The following TGM1 variants were observed in gnomAD, a reference collection of about 807,000 sequenced individuals.
TGM1 encodes protein-glutamine gamma-glutamyltransferase K.
In TGM1, 63 loss-of-function variants were observed where a neutral mutation model predicts 88.7. The ratio of observed to expected loss-of-function variants is 0.71; its 90% CI spans 0.58 to 0.88. TGM1 has a LOEUF of 0.88. Among genes scored for constraint, TGM1 ranks in the 40% least tolerant of loss-of-function variants. The probability of loss-of-function intolerance (pLI) is 0.00; values close to 1 mark genes in which losing one functional copy is unlikely to be tolerated. For synonymous variants in TGM1, 415 were observed against 431.1 expected, an observed-to-expected ratio of 0.96 and a Z score of 0.46; for missense variants, 996 against 1,118.0, an observed-to-expected ratio of 0.89 and a Z score of 1.56.
At position 24,255,152 on chromosome 14, in the gene TGM1, C is replaced by G; in HGVS notation, c.1747G>C (p.Val583Leu). 1 of 1,614,120 alleles carries G rather than the reference C, an allele frequency of 6.2e-7. No homozygotes were observed. The highest frequency in any genetic ancestry group is 1.1e-5 in the South Asian group (1 of 91,078). The change falls in exon 12 of 15, where the codon GTG (valine) becomes CTG (leucine). Residue 583 changes from valine to leucine, a missense_variant. Val to Leu is a conservative substitution (Grantham distance 32, BLOSUM62 1). Transcript: ENST00000206765. The surrounding 1 kb of genome is among the most constrained non-coding windows in gnomAD (Gnocchi z 4.0). ...CCCATCACCGCGTCCTGTGCCTCCA[C>G]CTGCATGGCCACATCCTCCGCTGAG... Reference protein sequence around the residue: ...RGSAEDVAMQVEAQDAVMGQD... With the variant: ...RGSAEDVAMQLEAQDAVMGQD...
rs111699741 is a variant in TGM1 at position 24,249,858 on chromosome 14, C to T, written c.2226-317G>A. 2.4e-3 allele frequency among the ~76,000 whole-genome samples: 372 copies of T among 152,312 alleles called. 1 individual carries two copies. The highest frequency in any genetic ancestry group is 8.6e-3 in the African/African-American group (359 of 41,558). On this transcript the variant is annotated intron_variant, in intron 14 of 14. Coordinates refer to ENST00000206765, the MANE Select transcript of TGM1 (RefSeq NM_000359.3). ...TCTCATGCCATCCCCTCCATCACCA[C>T]TGCTCCTGCCCCAGACAGAACATCC...
In TGM1 at chr14:24,249,336, T is replaced by C. The variant is rs2040679388; in HGVS notation, c.2431A>G (p.Met811Val). The C allele has an allele frequency of 6.2e-7, 1 of 1,613,606 alleles. No homozygotes were observed. The highest frequency in any genetic ancestry group is 1.3e-5 in the African/African-American group (1 of 74,846). ...GDSHLGETIP[M>V]ASRGGA ...GGCTAAGCTCCACCTCGAGATGCCATAGGGATGGTCTCTCCTAAGTGACTG... is the reference window on the plus strand; with the variant it reads ...GGCTAAGCTCCACCTCGAGATGCCACAGGGATGGTCTCTCCTAAGTGACTG... The change falls in exon 15 of 15, where the codon ATG becomes GTG. Residue 811 changes from methionine (M) to valine (V), a missense_variant. Physicochemically the swap from Met to Val is conservative, Grantham distance 21. Transcript: ENST00000206765.
In TGM1 at chr14:24,254,784, C is replaced by G. The variant is rs747446195; in HGVS notation, c.1968G>C (p.Arg656=). 1.2e-6 allele frequency: 2 copies of G among 1,613,956 alleles called. No individual in the cohort carries two copies. The highest frequency in any genetic ancestry group is 8.5e-7 in the Non-Finnish European group (1 of 1,180,014). ...TGGCCCCCTGGTCCACAAGATGGGG[C>G]CGGTATTCCTTGTAGGCCACTGGCA... is the stretch of plus-strand genomic sequence containing the variant. ...VTMPVAYKEY[R]PHLVDQGAML... The change falls in exon 13 of 15, where the codon CGG becomes CGC. Residue 656 remains arginine (R), a synonymous_variant. Transcript: ENST00000206765.
chr14:24,260,585 G>C lies in TGM1; in HGVS notation c.622C>G (p.Arg208Gly). The C allele has an allele frequency of 3.1e-6, 5 of 1,614,206 alleles. No individual in the cohort carries two copies. Among genetic ancestry groups the C allele is most frequent in the Non-Finnish European group, 3.4e-6 (4 of 1,180,030 alleles). The change falls in exon 4 of 15, where the codon CGG (arginine) becomes GGG (glycine). Residue 208 changes from arginine to glycine, a missense_variant. By Grantham distance (125) the Arg-to-Gly change is moderately radical (BLOSUM62 -2). Coordinates refer to ENST00000206765, the MANE Select transcript of TGM1 (RefSeq NM_000359.3). ...ATGGCGTTGGGGGAAGTGTGGACCC[G>C]CAGGTTCAGATTCTGCCCACTGGCC... ...VKASGQNLNL[R>G]VHTSPNAIIG...
chr14:24,255,957 G>A lies in TGM1; in HGVS notation c.1491+32C>T. The A allele has an allele frequency of 1.3e-6, 2 of 1,530,968 alleles. No individual in the cohort carries two copies. The highest frequency in any genetic ancestry group is 2.4e-5 in the East Asian group (1 of 40,938). 94.8% of individuals were successfully genotyped at this position (1,530,968 alleles called of 1,614,324 possible). ...TGGGACCAGAGAACCCATGACTGAA[G>A]CCCAAGAAGGCACCTGGAGCCCAGC... On this transcript the variant is annotated intron_variant, in intron 10 of 14. Transcript: ENST00000206765. This position sits in a 1 kb window ranked among gnomAD's most constrained non-coding sequence, Gnocchi z 4.0.
chr14:24,260,657 G>T lies in TGM1; in HGVS notation c.550C>A (p.Pro184Thr). The part of the protein sequence containing the change: ...EVGKGTHVII[P>T]VGKGGSGGWK... The stretch of plus-strand genomic sequence containing the variant: ...CCTCCACTGCCCCCCTTGCCCACTG[G>T]GATGATCACGTGCGTGCCCTTGCCC... Residue 184 changes from proline (P) to threonine (T), a missense_variant, in exon 4 of 15, where the codon CCA (proline) becomes ACA (threonine). Pro to Thr is a conservative substitution (Grantham distance 38, BLOSUM62 -1). Transcript: ENST00000206765. 1 of 1,614,088 alleles carries T rather than the reference G, an allele frequency of 6.2e-7. No homozygotes were observed. Among genetic ancestry groups the T allele is most frequent in the Non-Finnish European group, 8.5e-7 (1 of 1,180,016 alleles).
At position 24,261,792 on chromosome 14, in the gene TGM1, G is replaced by C. The variant is rs145002586; in HGVS notation, c.411C>G (p.Asp137Glu). Residue 137 changes from aspartate to glutamate, a missense_variant, in exon 3 of 15, where the codon GAC (aspartate) becomes GAG (glutamate). Asp to Glu is a conservative substitution (Grantham distance 45, BLOSUM62 2). Transcript: ENST00000206765. ...REHHTDEYEY[D>E]ELIVRRGQPF... Reference sequence around the variant, plus strand: ...GCTGCCCGCGGCGCACTATCAGCTCGTCGTACTCATACTCGTCTGTGTGGT... The same window carrying C: ...GCTGCCCGCGGCGCACTATCAGCTCCTCGTACTCATACTCGTCTGTGTGGT... 1.2e-6 allele frequency: 2 copies of C among 1,614,116 alleles called. No individual in the cohort carries two copies. Among genetic ancestry groups the C allele is most frequent in the South Asian group, 1.1e-5 (1 of 91,070 alleles).
chr14:24,256,138 C>T, intron 9 of TGM1, 61 bp from the exon 10 acceptor site: 2 of 1,418,434 alleles, frequency 1.4e-6, no homozygotes, highest in Non-Finnish European at 1.9e-6. Flanking sequence ...CTCTTCAGAC[C>T]CTGGGTAAGG....
intron 3 of TGM1, 72 bp from the exon 4 acceptor site, chr14:24,260,770 C>CG: frequency 6.2e-7 from 1 of 1,601,206 alleles, no homozygotes. Flanking sequence ...GGACTTCTCC[C>CG]GGCCCCACCC....
intron 14 of TGM1, 45 bp from the exon 15 acceptor site, chr14:24,249,586 G>C: frequency 6.4e-7 from 1 of 1,550,510 alleles, no homozygotes; most frequent in Non-Finnish European, 8.8e-7. Context: ...ATTGGGGGTG[G>C]AGTGGGGAGT....
In TGM1 at chr14:24,249,258, C is replaced by T. The variant is rs1341743397; in HGVS notation, c.*55G>A. The T allele has an allele frequency of 1.2e-5, 18 of 1,537,636 alleles. No homozygotes were observed. The East Asian group carries it at 2.7e-4, about 23-fold the overall frequency. ...GAGCTGCTCTGTAGTGTGCCCCTAT[C>T]TTGGGGCAATGTCCTTGCTCATCTG... On this transcript the variant is annotated 3_prime_UTR_variant, in exon 15 of 15. Coordinates refer to ENST00000206765, the MANE Select transcript of TGM1 (RefSeq NM_000359.3).
chr14:24,260,731 G>T, intron 3 of TGM1, 33 bp from the exon 4 acceptor site: 1 of 1,613,820 alleles, frequency 6.2e-7, no homozygotes. Flanking sequence ...AGCTGGCAAG[G>T]CCTCCCTGAG....
Position 24,255,101 on chromosome 14 carries a change from G to T in TGM1, c.1798C>A (p.Leu600Met). 1 of 1,614,126 alleles carries T rather than the reference G, an allele frequency of 6.2e-7. No homozygotes were observed. Among genetic ancestry groups the T allele is most frequent in the Non-Finnish European group, 8.5e-7 (1 of 1,180,050 alleles). The change falls in exon 12 of 15, where the codon CTG becomes ATG. Residue 600 changes from leucine (L) to methionine (M), a missense_variant. Coordinates refer to ENST00000206765, the MANE Select transcript of TGM1 (RefSeq NM_000359.3). The surrounding 1 kb of genome is among the most constrained non-coding windows in gnomAD (Gnocchi z 4.0). ...CGGCGGCTGCTGCTGTGATTGATCA[G>T]CATCACAGAGACCATCAGATCCTGC... ...MGQDLMVSVMLINHSSSRRTV... is the reference protein window; with the variant it reads ...MGQDLMVSVMMINHSSSRRTV...
rs1355152385 is a variant in TGM1 at position 24,249,427 on chromosome 14, A to G, written c.2340T>C (p.Gly780=). ...LDSPQLSQVH[G]VIQVDVAPAP... ...CTGGGGCCACATCCACCTGGATGACACCGTGCACCTGGGAGAGCTGTGGGC... is the reference window on the plus strand; with the variant it reads ...CTGGGGCCACATCCACCTGGATGACGCCGTGCACCTGGGAGAGCTGTGGGC... The change falls in exon 15 of 15, where the codon GGT becomes GGC. Residue 780 remains glycine, a synonymous_variant. Transcript: ENST00000206765. 3 of 1,613,814 alleles carry G rather than the reference A, an allele frequency of 1.9e-6. No homozygotes were observed. The highest frequency in any genetic ancestry group is 4.5e-5 in the East Asian group (2 of 44,864).
Position 24,254,670 on chromosome 14 carries a change from G to A in TGM1, c.2082C>T (p.Ser694=). The A allele has an allele frequency of 1.9e-6, 3 of 1,613,868 alleles. No homozygotes were observed. In the South Asian group the frequency reaches 3.3e-5, roughly 18 times the overall value. ...CCCAGCAAACTGCATTCACCGTGAG[G>A]GAGAGGTCTGGGGTGCGCAGACGGA... ...HTFRLRTPDL[S]LTLLGAAVVG... The change falls in exon 13 of 15, where the codon TCC becomes TCT. Residue 694 remains serine, a synonymous_variant. Transcript: ENST00000206765.
chr14:24,254,043 C>G (rs536231579), intron 14 of TGM1, 109 bp downstream of exon 14: 1 of 1,500,480 alleles, frequency 6.7e-7, no homozygotes, highest in East Asian at 2.5e-5. Flanking sequence ...TTGGTTGGGT[C>G]CTGACAGAAC....
rs373549167 is a variant in TGM1 at position 24,262,017 on chromosome 14, G to A, written c.319+17C>T. ...AAGCCTTTTAGCTCTCAGCTGAGGA[G>A]GACAGACCGGCCTCACCTCGGATGG... On this transcript the variant is annotated intron_variant, in intron 2 of 14. Coordinates refer to ENST00000206765, the MANE Select transcript of TGM1 (RefSeq NM_000359.3). 5.6e-6 allele frequency: 9 copies of A among 1,613,198 alleles called. No homozygotes were observed. The African/African-American group carries it at 1.1e-4, about 19-fold the overall frequency.
At chr14:24,261,655 A>T (rs1248554011) in intron 3 of TGM1, 40 bp downstream of exon 3, 1 of 1,613,148 alleles carries the variant, frequency 6.2e-7, no homozygotes, top group East Asian at 2.2e-5. Flanking sequence ...TCCCCACCAA[A>T]CATAGGGCCT....
intron 9 of TGM1, among the ~76,000 whole-genome samples, chr14:24,257,082 A>G (rs2040757478): frequency 6.6e-6 from 1 of 152,126 alleles, no homozygotes; most frequent in Admixed American, 6.5e-5. Context: ...CCACCCCACC[A>G]CTTCCCAGAG....
Sources: gnomAD v4.1 joint callset for allele counts (sites outside exome capture counted in the v4.1 genomes callset) on GRCh38, gnomAD v4.1.1 for gene constraint, Gnocchi (gnomAD v3.1) non-coding constraint, MANE v1.5 for transcripts, NCBI Gene and HGNC (gene_info 2026-07-23, HGNC 2026-07-21) for gene names.